The following ATAT1 variants were observed in gnomAD, a reference collection of about 807,000 sequenced individuals.
ATAT1 encodes the protein alpha tubulin acetyltransferase 1.
In ATAT1, 42 loss-of-function variants were observed where a neutral mutation model predicts 57.2. That is an observed-to-expected ratio of 0.73 (90% CI 0.57 to 0.95). The LOEUF is 0.95. Ranked by LOEUF, ATAT1 falls within the 40% of genes least tolerant of loss-of-function variation. The probability of loss-of-function intolerance (pLI) is 0.00; values close to 1 mark genes in which losing one functional copy is unlikely to be tolerated. For missense variants in ATAT1, 454 were observed against 523.7 expected (o/e 0.87, Z 1.30); for synonymous variants, 168 against 187.1 (o/e 0.90, Z 0.83).
Position 30,646,684 on chromosome 6 carries a change from T to A in ATAT1, c.*41T>A, listed in dbSNP as rs529311372. On this transcript the variant is annotated 3_prime_UTR_variant, in exon 13 of 13. Coordinates refer to ENST00000330083, the MANE Select transcript of ATAT1 (RefSeq NM_001031722.4). ...ACATCTTCAAAGTATTATTTCTCCC[T>A]CACTACAGGAAAGAGCCAAAGCCCA... is the stretch of plus-strand genomic sequence containing the variant. 7 of 1,500,300 alleles carry A rather than the reference T, an allele frequency of 4.7e-6. No homozygotes were observed. The highest frequency in any genetic ancestry group is 6.3e-6 in the Non-Finnish European group (7 of 1,117,994). The allele number at this position is 1,500,300 out of a possible 1,614,324, so 92.9% of individuals were successfully genotyped here. A position where few individuals can be genotyped will look rare whatever the true frequency, so the allele number is the denominator to read the frequency against.
chr6:30,631,969 A>T (rs984928641), intron 6 of ATAT1, among the ~76,000 whole-genome samples: 2 of 152,158 alleles, frequency 1.3e-5, no homozygotes, highest in East Asian at 3.9e-4. Context: ...AATGCGGAGG[A>T]GGGGCCTTAT....
At chr6:30,638,780 C>T (rs1333835612) in intron 6 of ATAT1, among the ~76,000 whole-genome samples, 1 of 152,196 alleles carries the variant, frequency 6.6e-6, no homozygotes, top group African/African-American at 2.4e-5. Flanking sequence ...ATTGGCCAAG[C>T]GAAGCCATGT....
chr6:30,634,291 G>C (rs566189505), intron 6 of ATAT1, among the ~76,000 whole-genome samples: 13 of 151,374 alleles, frequency 8.6e-5, no homozygotes, highest in African/African-American at 2.9e-4. Context: ...TAGCTCTGTC[G>C]CCAGGCTCAA....
intron 6 of ATAT1, among the ~76,000 whole-genome samples, chr6:30,629,695 C>G (rs1052557038): frequency 6.6e-6 from 1 of 152,136 alleles, no homozygotes; most frequent in Non-Finnish European, 1.5e-5. Flanking sequence ...CAGGTGCCCA[C>G]CACCATACCC....
At chr6:30,643,194 C>G in intron 10 of ATAT1, 183 bp downstream of exon 10, 1 of 1,438,928 alleles carries the variant, frequency 6.9e-7, no homozygotes, top group East Asian at 2.5e-5. Flanking sequence ...AGTGAAGGAG[C>G]AGAATAGGAC....
Position 30,646,559 on chromosome 6 carries a change from C to T in ATAT1, c.1146C>T (p.Ala382=). 6.3e-7 allele frequency: 1 copy of T among 1,585,510 alleles called. No homozygotes were observed. Among genetic ancestry groups the T allele is most frequent in the Middle Eastern group, 1.7e-4 (1 of 6,038 alleles). The change falls in exon 13 of 13, where the codon GCC becomes GCT. Residue 382 remains alanine (A), a synonymous_variant. Transcript: ENST00000330083. ...CTCCACAGGCCCCGGCCCCGCCAGC[C>T]CAGTCCTGGACAGTGGGTGGGGACA...
intron 6 of ATAT1, among the ~76,000 whole-genome samples, chr6:30,632,414 A>G (rs1335408332): frequency 6.6e-6 from 1 of 151,846 alleles, no homozygotes; most frequent in Non-Finnish European, 1.5e-5. Flanking sequence ...TCTACTAAAA[A>G]TACAAAAATT....
chr6:30,628,458 A>C, intron 6 of ATAT1, 28 bp downstream of exon 6: 1 of 1,528,842 alleles, frequency 6.5e-7, no homozygotes, highest in Non-Finnish European at 9.1e-7. Flanking sequence ...ATAGATCCCC[A>C]CTGAGCATTC....
intron 6 of ATAT1, among the ~76,000 whole-genome samples, chr6:30,630,610 TGAGCGACA>T (rs1762645294): frequency 6.6e-6 from 1 of 151,346 alleles, no homozygotes; most frequent in African/African-American, 2.4e-5. Context: ...CACTCCAGCC[TGAGCGACA>T]GAGTGAGGAC....
chr6:30,634,645 A>G (rs1582797837), intron 6 of ATAT1, among the ~76,000 whole-genome samples: 1 of 141,770 alleles, frequency 7.1e-6, no homozygotes, highest in Non-Finnish European at 1.5e-5. Flanking sequence ...GACCATATTC[A>G]TTATAATCTC....
chr6:30,646,128 C>A lies in ATAT1; in HGVS notation c.1055+19C>A, dbSNP rs1421223732. 1 of 1,602,928 alleles carries A rather than the reference C, an allele frequency of 6.2e-7. No homozygotes were observed. Among genetic ancestry groups the A allele is most frequent in the Non-Finnish European group, 8.5e-7 (1 of 1,174,694 alleles). On this transcript the variant is annotated intron_variant, in intron 12 of 12. Transcript: ENST00000330083. ...AGAATAGGTGAGGTCTAAACCCCTC[C>A]CCTAACAGCCTCCCACCACCATCTG...
chr6:30,628,232 G>A, intron 5 of ATAT1, 87 bp downstream of exon 5: 1 of 1,529,840 alleles, frequency 6.5e-7, no homozygotes, highest in South Asian at 1.1e-5. Context: ...CACCCCCCAT[G>A]TTCCCATGTC....
chr6:30,629,052 C>G (rs1762281282), intron 6 of ATAT1, among the ~76,000 whole-genome samples: 1 of 152,018 alleles, frequency 6.6e-6, no homozygotes, highest in African/African-American at 2.4e-5. Flanking sequence ...AGGCATGCAC[C>G]ACCATGCCTG....
At position 30,646,658 on chromosome 6, in the gene ATAT1, A is replaced by G. The variant is rs755926083; in HGVS notation, c.*15A>G. On this transcript the variant is annotated 3_prime_UTR_variant, in exon 13 of 13. Transcript: ENST00000330083. ...GGCCTTGGTGACCGCAGCCCCGTCA[A>G]ACATCTTCAAAGTATTATTTCTCCC... The G allele has an allele frequency of 5.9e-6, 9 of 1,535,650 alleles. No individual in the cohort carries two copies. The East Asian group carries it at 1.7e-4, about 29-fold the overall frequency.
chr6:30,643,122 T>TG (rs3214092), intron 10 of ATAT1, 111 bp downstream of exon 10: 22,734 of 1,509,830 alleles, frequency 0.015, 400 homozygotes, highest in African/African-American at 0.08. Context: ...ATGGGTGGCT[T>TG]GGGGGGGGTC....
rs1018419807 is a variant in ATAT1, at chr6:30,635,267, A to C, written c.502-5110A>C. Among the ~76,000 whole-genome samples the C allele has an allele frequency of 5.3e-5, 8 of 152,180 alleles. No homozygotes were observed. The East Asian group carries it at 7.7e-4, about 15-fold the overall frequency. On this transcript the variant is annotated intron_variant, in intron 6 of 12. Transcript: ENST00000330083. ...CAAAAAGAAGTTAAGGAAGAGAAGA[A>C]GACCAGCAAATGCAACCACAGAGTG...
At chr6:30,627,796 C>T in intron 3 of ATAT1, 55 bp from the exon 4 acceptor site, 2 of 1,605,792 alleles carry the variant, frequency 1.2e-6, no homozygotes, top group Non-Finnish European at 1.7e-6. Flanking sequence ...CCATCTTTGA[C>T]TATCTCTTGC....
chr6:30,642,833 G>GGGGGGGGGAGCC lies in ATAT1; in HGVS notation c.754_755insGGGGGGGGAGCC (p.Ala252delinsGlyGlyGlySerPro). The GGGGGGGGGAGCC allele has an allele frequency of 6.5e-7, 1 of 1,537,878 alleles. No homozygotes were observed. Among genetic ancestry groups the GGGGGGGGGAGCC allele is most frequent in the Non-Finnish European group, 8.7e-7 (1 of 1,145,784 alleles). Reference sequence around the variant, plus strand: ...GGCCCCTCGCCGCGCCACACCTCCAGCCCACCCACCCCCCCGCTCCAGCAG... The same window carrying GGGGGGGGGAGCC: ...GGCCCCTCGCCGCGCCACACCTCCAGGGGGGGGGAGCCCCCACCCACCCCCCCGCTCCAGCAG... On this transcript the variant is annotated protein_altering_variant, in exon 10 of 13. Coordinates refer to ENST00000330083, the MANE Select transcript of ATAT1 (RefSeq NM_001031722.4).
chr6:30,627,086 G>C lies in ATAT1; in HGVS notation c.-118G>C. 6.4e-7 allele frequency: 1 copy of C among 1,555,012 alleles called. No individual in the cohort carries two copies. The highest frequency in any genetic ancestry group is 8.7e-7 in the Non-Finnish European group (1 of 1,147,064). ...GCCCCCTTCTCACTGACTAGTGATC[G>C]CCCCTTTTGATGTCCAGGCCTGCCT... On this transcript the variant is annotated 5_prime_UTR_variant, in exon 1 of 13. Coordinates refer to ENST00000330083, the MANE Select transcript of ATAT1 (RefSeq NM_001031722.4).
Sources: allele counts gnomAD v4.1 joint callset (sites outside exome capture counted in the v4.1 genomes callset), GRCh38; gene constraint gnomAD v4.1.1; transcripts MANE v1.5; gene names NCBI Gene and HGNC (gene_info 2026-07-23, HGNC 2026-07-21).